The following CA10 variants were observed in gnomAD, a reference collection of about 807,000 sequenced individuals.
The protein encoded by CA10 is carbonic anhydrase-related protein 10.
Under a neutral mutation model 44.2 loss-of-function variants are expected in CA10, and 14 were observed. That is an observed-to-expected ratio of 0.32 (90% CI 0.21 to 0.50). The LOEUF (loss-of-function observed/expected upper bound fraction) is 0.50. CA10 is among the 20% of genes least tolerant of loss of function. The pLI is 0.99. For synonymous variants in CA10, 159 were observed against 141.6 expected, an observed-to-expected ratio of 1.12 and a Z score of -0.87; for missense variants, 350 against 409.7, an observed-to-expected ratio of 0.85 and a Z score of 1.26.
intron 4 of CA10, among the ~76,000 whole-genome samples, chr17:51,686,748 C>T (rs571452228): frequency 1.5e-3 from 227 of 152,154 alleles, no homozygotes; most frequent in African/African-American, 5.3e-3. Context: ...TCATTATTAT[C>T]CCTATTTCAC....
intron 2 of CA10, among the ~76,000 whole-genome samples, chr17:51,963,741 C>A (rs203024): frequency 0.86 from 131,429 of 152,172 alleles, 56,766 homozygotes; most frequent in East Asian, 0.95. Context: ...CTATTAGAAC[C>A]GGCTTACAAG....
At chr17:52,143,366 A>G (rs372060527) in intron 1 of CA10, among the ~76,000 whole-genome samples, 1 of 152,202 alleles carries the variant, frequency 6.6e-6, no homozygotes, top group South Asian at 2.1e-4. Flanking sequence ...AAAAGCTTAG[A>G]AAGAAACAAA....
intron 3 of CA10, among the ~76,000 whole-genome samples, chr17:51,900,217 G>T (rs559426575): frequency 6.6e-6 from 1 of 152,190 alleles, no homozygotes; most frequent in African/African-American, 2.4e-5. Context: ...TTATAAGGCA[G>T]GTCTGGAAGT....
chr17:52,062,750 A>T (rs1328627973), intron 2 of CA10, among the ~76,000 whole-genome samples: 2 of 152,214 alleles, frequency 1.3e-5, no homozygotes, highest in Non-Finnish European at 2.9e-5. Flanking sequence ...GGAAGCTGCC[A>T]AGCCTGTAGA....
At chr17:52,096,557 T>C (rs1988406631) in intron 1 of CA10, among the ~76,000 whole-genome samples, 1 of 152,220 alleles carries the variant, frequency 6.6e-6, no homozygotes, top group East Asian at 1.9e-4. Flanking sequence ...CCTTCAGTTT[T>C]TAAGAATTAC....
chr17:51,786,203 T>C (rs2143687693), intron 3 of CA10, among the ~76,000 whole-genome samples: 1 of 113,788 alleles, frequency 8.8e-6, no homozygotes, highest in African/African-American at 3.3e-5. Context: ...CGTTCTAACA[T>C]CTTTGTGTGT....
At chr17:52,023,721 G>T (rs1986211444) in intron 2 of CA10, among the ~76,000 whole-genome samples, 1 of 150,492 alleles carries the variant, frequency 6.6e-6, no homozygotes. Context: ...TGCAAAGTAT[G>T]CATGCAACAA....
intron 3 of CA10, among the ~76,000 whole-genome samples, chr17:51,866,144 GC>G (rs1379626578): frequency 6.6e-6 from 1 of 152,172 alleles, no homozygotes; most frequent in Admixed American, 6.5e-5. Context: ...ATGCCACTAA[GC>G]CCATTTCAAC....
At chr17:51,837,592 C>A (rs1598072984) in intron 3 of CA10, among the ~76,000 whole-genome samples, 1 of 152,208 alleles carries the variant, frequency 6.6e-6, no homozygotes, top group Non-Finnish European at 1.5e-5. Flanking sequence ...AAGCATTTGT[C>A]TTTCCCACTA....
intron 6 of CA10, among the ~76,000 whole-genome samples, chr17:51,636,775 T>TA (rs1555577669): frequency 6.8e-6 from 1 of 146,512 alleles, no homozygotes; most frequent in Non-Finnish European, 1.5e-5. Flanking sequence ...ACTGATTATT[T>TA]TGTGTGTGTG....
Position 52,031,155 on chromosome 17 carries a change from CT to C in CA10, c.136+41163del, listed in dbSNP as rs71149390. On this transcript the variant is annotated intron_variant, in intron 2 of 8. Transcript: ENST00000451037. ...TAAGTGGTTGGCAATGACTTCAACT[CT>C]TTTTTTTTTTTTTGAGATGGAGTCT... 2.1e-3 allele frequency among the ~76,000 whole-genome samples: 297 copies of C among 143,104 alleles called. 1 individual carries two copies. The highest frequency in any genetic ancestry group is 3.4e-3 in the African/African-American group (132 of 39,188). 93.9% of individuals were successfully genotyped at this position (143,104 alleles called of 152,430 possible).
intron 2 of CA10, among the ~76,000 whole-genome samples, chr17:51,969,845 GA>G (rs891177118): frequency 6.6e-6 from 1 of 151,416 alleles, no homozygotes; most frequent in Non-Finnish European, 1.5e-5. Flanking sequence ...CAAAGAAACG[GA>G]AAAAAAATAA....
At chr17:51,678,508 A>G (rs575517993) in intron 4 of CA10, among the ~76,000 whole-genome samples, 5 of 152,346 alleles carry the variant, frequency 3.3e-5, no homozygotes, top group African/African-American at 1.2e-4. Context: ...CTATAACTGA[A>G]AATCCCTCAG....
intron 1 of CA10, among the ~76,000 whole-genome samples, chr17:52,120,463 CTTA>C (rs1222711771): frequency 7.8e-6 from 1 of 128,914 alleles, no homozygotes; most frequent in Non-Finnish European, 1.6e-5. Context: ...TATCCTTATC[CTTA>C]TCCTTATCCT....
intron 8 of CA10, among the ~76,000 whole-genome samples, chr17:51,632,738 C>G (rs1281301519): frequency 6.6e-6 from 1 of 152,158 alleles, no homozygotes; most frequent in African/African-American, 2.4e-5. Flanking sequence ...CTCTCCAAGA[C>G]CCCATCCTTC....
intron 2 of CA10, among the ~76,000 whole-genome samples, chr17:52,039,426 C>T (rs1374243545): frequency 6.6e-6 from 1 of 151,990 alleles, no homozygotes; most frequent in Non-Finnish European, 1.5e-5. Context: ...ATGAAAGTTA[C>T]ATTGATTTTT....
chr17:52,026,405 T>C (rs777762888), intron 2 of CA10, among the ~76,000 whole-genome samples: 20 of 152,246 alleles, frequency 1.3e-4, no homozygotes, highest in Non-Finnish European at 2.4e-4. Flanking sequence ...TCCCTTTTTT[T>C]CTAGTTTAAT....
intron 4 of CA10, among the ~76,000 whole-genome samples, chr17:51,689,234 A>G (rs1915107138): frequency 6.6e-6 from 1 of 152,216 alleles, no homozygotes; most frequent in African/African-American, 2.4e-5. Context: ...ATAAAATACT[A>G]TGCTGAGAAC....
chr17:51,794,419 C>T (rs770349643), intron 3 of CA10, among the ~76,000 whole-genome samples: 9 of 152,130 alleles, frequency 5.9e-5, no homozygotes, highest in South Asian at 2.1e-4. Context: ...GCGGAGACTA[C>T]GTCATTTTAC....
Sources: allele counts gnomAD v4.1 joint callset (sites outside exome capture counted in the v4.1 genomes callset), GRCh38; gene constraint gnomAD v4.1.1; transcripts MANE v1.5; gene names NCBI Gene and HGNC (gene_info 2026-07-23, HGNC 2026-07-21).